ZMAT4: variants seen among roughly 807,000 people sequenced by gnomAD.
ZMAT4 encodes the protein zinc finger matrin-type 4, also known as zinc finger matrin-type protein 4.
ZMAT4 carries 17 observed loss-of-function variants against 28.7 expected under a neutral mutation model. The observed-to-expected ratio is 0.59, with a 90% CI of 0.41 to 0.89. ZMAT4 has a LOEUF of 0.89. ZMAT4 is among the 40% of genes least tolerant of loss of function. ZMAT4 has a pLI of 0.00. For synonymous variants in ZMAT4, 117 were observed against 109.2 expected (o/e 1.07, Z -0.44); for missense variants, 240 against 283.8 (o/e 0.85, Z 1.11).
chr8:40,632,794 G>A (rs1308226032), intron 5 of ZMAT4, among the ~76,000 whole-genome samples: 3 of 152,184 alleles, frequency 2.0e-5, no homozygotes, highest in Admixed American at 2.0e-4. Context: ...GGCAACCTTA[G>A]CAAAAGAATG....
At chr8:40,882,272 C>T (rs1818307842) in intron 1 of ZMAT4, among the ~76,000 whole-genome samples, 1 of 152,118 alleles carries the variant, frequency 6.6e-6, no homozygotes, top group East Asian at 1.9e-4. Flanking sequence ...CCAAGCATTG[C>T]AGGAATTTTG....
At chr8:40,637,156 T>C (rs1037489654) in intron 5 of ZMAT4, among the ~76,000 whole-genome samples, 3 of 151,986 alleles carry the variant, frequency 2.0e-5, no homozygotes, top group African/African-American at 7.2e-5. Flanking sequence ...TGAAATGTCT[T>C]CTCTGTCTTG....
At chr8:40,686,814 A>G (rs1394568107) in intron 4 of ZMAT4, among the ~76,000 whole-genome samples, 2 of 152,146 alleles carry the variant, frequency 1.3e-5, no homozygotes, top group Non-Finnish European at 2.9e-5. Context: ...GTTCAATTTC[A>G]CAACCTTGTT....
chr8:40,837,280 C>T (rs1164109185), intron 1 of ZMAT4, among the ~76,000 whole-genome samples: 1 of 152,184 alleles, frequency 6.6e-6, no homozygotes. Flanking sequence ...ACGTTGCAGT[C>T]CTGCTCAACT....
At chr8:40,835,728 C>T (rs947538839) in intron 1 of ZMAT4, among the ~76,000 whole-genome samples, 10 of 152,118 alleles carry the variant, frequency 6.6e-5, no homozygotes, top group Admixed American at 6.5e-4. Flanking sequence ...AGGAAGGCAC[C>T]GACGAGACAG....
At chr8:40,674,600 C>G in intron 5 of ZMAT4, 104 bp downstream of exon 5, 1 of 934,680 alleles carries the variant, frequency 1.1e-6, no homozygotes, top group African/African-American at 1.6e-5. Flanking sequence ...CTCACTTTTT[C>G]CTTAATAATT....
chr8:40,859,199 T>A (rs1817403648), intron 1 of ZMAT4, among the ~76,000 whole-genome samples: 1 of 152,202 alleles, frequency 6.6e-6, no homozygotes, highest in Non-Finnish European at 1.5e-5. Context: ...GCCTTCAAGG[T>A]GCCGTGATTC....
intron 2 of ZMAT4, among the ~76,000 whole-genome samples, chr8:40,807,988 T>C (rs939274795): frequency 2.0e-5 from 3 of 152,206 alleles, no homozygotes; most frequent in African/African-American, 7.2e-5. Flanking sequence ...GCACATAGTG[T>C]CAAAGAAAAC....
intron 4 of ZMAT4, among the ~76,000 whole-genome samples, chr8:40,681,635 T>C (rs746858932): frequency 6.6e-6 from 1 of 152,222 alleles, no homozygotes; most frequent in African/African-American, 2.4e-5. Flanking sequence ...GGCAGAGGCA[T>C]GGGCCTTTTG....
At chr8:40,647,310 T>C (rs1807372322) in intron 5 of ZMAT4, among the ~76,000 whole-genome samples, 1 of 151,836 alleles carries the variant, frequency 6.6e-6, no homozygotes, top group African/African-American at 2.4e-5. Context: ...AAGAAAGGGG[T>C]GACAGACAGC....
intron 3 of ZMAT4, among the ~76,000 whole-genome samples, chr8:40,721,987 C>G (rs1448975548): frequency 1.3e-5 from 2 of 151,862 alleles, no homozygotes; most frequent in African/African-American, 4.8e-5. Context: ...GAAGCTGAAA[C>G]TGGATCCCTT....
intron 1 of ZMAT4, among the ~76,000 whole-genome samples, chr8:40,881,016 G>A (rs925231905): frequency 6.6e-6 from 1 of 152,088 alleles, no homozygotes; most frequent in African/African-American, 2.4e-5. Context: ...ATTTAAACTG[G>A]TTTCGTCTAA....
intron 3 of ZMAT4, among the ~76,000 whole-genome samples, chr8:40,766,086 C>T (rs1369710660): frequency 6.6e-6 from 1 of 152,154 alleles, no homozygotes; most frequent in Admixed American, 6.6e-5. Flanking sequence ...CCTGCGGCCT[C>T]CATCTGGTAA....
At chr8:40,896,228 G>A (rs1055330928) in intron 1 of ZMAT4, among the ~76,000 whole-genome samples, 1 of 152,178 alleles carries the variant, frequency 6.6e-6, no homozygotes, top group Non-Finnish European at 1.5e-5. Context: ...TGTGGAGCTG[G>A]AGAATCAAGA....
At chr8:40,619,000 C>T (rs897412524) in intron 5 of ZMAT4, among the ~76,000 whole-genome samples, 2 of 152,094 alleles carry the variant, frequency 1.3e-5, no homozygotes, top group South Asian at 2.1e-4. Flanking sequence ...ACTCTGGGAG[C>T]GAGTGTAAAG....
chr8:40,625,788 G>A (rs2722426), intron 5 of ZMAT4, among the ~76,000 whole-genome samples: 85,559 of 151,794 alleles, frequency 0.56, 25,293 homozygotes, highest in East Asian at 0.69. Context: ...GGAGCCAGGT[G>A]AGTAAATTTG....
At chr8:40,741,403 C>A (rs1245811592) in intron 3 of ZMAT4, among the ~76,000 whole-genome samples, 1 of 149,792 alleles carries the variant, frequency 6.7e-6, no homozygotes, top group Admixed American at 6.7e-5. Context: ...GCCTAAATTG[C>A]GCTACTTCAC....
At chr8:40,888,910 G>T (rs575676117) in intron 1 of ZMAT4, among the ~76,000 whole-genome samples, 1 of 152,306 alleles carries the variant, frequency 6.6e-6, no homozygotes, top group South Asian at 2.1e-4. Flanking sequence ...AAGGAAGGGT[G>T]GCTTCACACC....
chr8:40,884,983 A>G (rs375857696), intron 1 of ZMAT4: 16 of 152,244 alleles, frequency 1.1e-4, no homozygotes, highest in African/African-American at 3.9e-4. Context: ...ACCCCATCCT[A>G]GATCTATAAA....
Sources: gnomAD v4.1 joint callset for allele counts (sites outside exome capture counted in the v4.1 genomes callset) on GRCh38, gnomAD v4.1.1 for gene constraint, MANE v1.5 for transcripts, NCBI Gene and HGNC (gene_info 2026-07-23, HGNC 2026-07-21) for gene names.